POLR1D: variants seen among roughly 807,000 people sequenced by gnomAD.
POLR1D encodes the protein DNA-directed RNA polymerases I and III subunit RPAC2.
Under a neutral mutation model 10.8 loss-of-function variants are expected in POLR1D, and 8 were observed. That is an observed-to-expected ratio of 0.74 (90% CI 0.43 to 1.33). The LOEUF (loss-of-function observed/expected upper bound fraction) is 1.33, where lower values mean the gene tolerates loss of function less well. Among genes scored for constraint, POLR1D ranks in the 40% most tolerant of loss-of-function variants. The pLI, the probability that POLR1D is intolerant of heterozygous loss-of-function variation, is 0.01. For missense variants in POLR1D, 152 were observed against 161.7 expected (o/e 0.94, Z 0.32); for synonymous variants, 54 against 57.2 (o/e 0.94, Z 0.25).
At chr13:27,661,534 G>A (rs1246756708) in intron 2 of POLR1D, among the ~76,000 whole-genome samples, 1 of 142,630 alleles carries the variant, frequency 7.0e-6, no homozygotes, top group Non-Finnish European at 1.6e-5. Context: ...GACAGTGACA[G>A]ACAGTGCAGA....
Position 27,623,172 on chromosome 13 carries a change from A to G in POLR1D, c.324A>G (p.Gln108=), listed in dbSNP as rs771797869. Residue 108 remains glutamine (Q), a synonymous_variant, in exon 2 of 2, where the codon CAA becomes CAG. Transcript: ENST00000302979. The part of the protein sequence containing the change: ...RGLNELMNVC[Q]HVLDKFEASI... ...TGAATGAGCTCATGAATGTCTGCCA[A>G]CATGTGCTTGACAAGTTTGAGGCCA... 6.2e-7 allele frequency: 1 copy of G among 1,614,160 alleles called. No homozygotes were observed. Among genetic ancestry groups the G allele is most frequent in the East Asian group, 2.2e-5 (1 of 44,880 alleles).
At chr13:27,646,667 G>A (rs1956223346) in intron 1 of POLR1D, among the ~76,000 whole-genome samples, 1 of 152,188 alleles carries the variant, frequency 6.6e-6, no homozygotes, top group Non-Finnish European at 1.5e-5. Flanking sequence ...ATTTTAAAAT[G>A]AGTTACACAA....
At position 27,663,654 on chromosome 13, in the gene POLR1D, A is replaced by G. The variant is rs1956386887; in HGVS notation, c.102-2032A>G. On this transcript the variant is annotated intron_variant, in intron 2 of 2. Coordinates refer to the POLR1D transcript ENST00000399697. The surrounding 1 kb of genome is among the most constrained non-coding windows in gnomAD (Gnocchi z 4.1). ...CATTGAAAACAGCAAAATAGAGTGG[A>G]ATTCACCAGTAGTTACCAAAGGTTT... Among the ~76,000 whole-genome samples the G allele has an allele frequency of 6.6e-6, 1 of 152,220 alleles. No individual in the cohort carries two copies. Among genetic ancestry groups the G allele is most frequent in the African/African-American group, 2.4e-5 (1 of 41,448 alleles).
Position 27,622,992 on chromosome 13 carries a change from C to G in POLR1D, c.144C>G (p.Asp48Glu). The change falls in exon 2 of 2, where the codon GAC (aspartate) becomes GAG (glutamate). Residue 48 changes from aspartate (D) to glutamate (E), a missense_variant. By Grantham distance (45) the Asp-to-Glu change is conservative (BLOSUM62 2). Transcript: ENST00000302979. Reference protein sequence around the residue: ...HCVTFVLHEEDHTLGNSLRYM... With the variant: ...HCVTFVLHEEEHTLGNSLRYM... ...TGACATTTGTATTGCACGAGGAAGA[C>G]CATACCCTAGGAAATTCTCTACGTT... 1.2e-6 allele frequency: 2 copies of G among 1,614,074 alleles called. No individual in the cohort carries two copies. The highest frequency in any genetic ancestry group is 1.7e-6 in the Non-Finnish European group (2 of 1,179,962).
downstream of POLR1D, among the ~76,000 whole-genome samples, chr13:27,624,015 G>A (rs967854400): frequency 3.9e-5 from 6 of 152,168 alleles, no homozygotes; most frequent in Admixed American, 6.5e-5. Context: ...TGTAGAAGAA[G>A]CCCTATTTGA....
At chr13:27,655,372 T>C (rs956911182) in intron 2 of POLR1D, among the ~76,000 whole-genome samples, 2 of 152,208 alleles carry the variant, frequency 1.3e-5, no homozygotes, top group Non-Finnish European at 1.5e-5. Context: ...CATAACCACA[T>C]TGTAATTACC....
In POLR1D at chr13:27,631,078, A is replaced by G. The variant is rs539547137; in HGVS notation, c.26+9069A>G. On this transcript the variant is annotated intron_variant, in intron 1 of 2. Coordinates refer to the POLR1D transcript ENST00000399697. ...GAGAGACCATCCTTGACTGGGTATTAGTCCATTGCTGCGTAATAGATTATC... is the reference window on the plus strand; with the variant it reads ...GAGAGACCATCCTTGACTGGGTATTGGTCCATTGCTGCGTAATAGATTATC... Among the ~76,000 whole-genome samples, 4 of 152,328 alleles carry G rather than the reference A, an allele frequency of 2.6e-5. No individual in the cohort carries two copies. In the South Asian group the frequency reaches 8.3e-4, roughly 32 times the overall value.
At chr13:27,629,844 G>A (rs75508576) in intron 1 of POLR1D, among the ~76,000 whole-genome samples, 3,386 of 152,296 alleles carry the variant, frequency 0.022, 84 homozygotes, top group African/African-American at 0.061. Flanking sequence ...TGGACTATTG[G>A]TAGGTAGCCA....
chr13:27,664,706 A>G (rs1278978642), intron 2 of POLR1D: 3 of 152,094 alleles, frequency 2.0e-5, no homozygotes, highest in African/African-American at 7.2e-5. Flanking sequence ...CACAATTCCT[A>G]TGTGGAGTGT....
chr13:27,665,479 C>A, intron 2 of POLR1D: 1 of 596,750 alleles, frequency 1.7e-6, no homozygotes, highest in East Asian at 2.8e-5. Context: ...GTGTTCCAGC[C>A]AGTCTTGTCT....
At chr13:27,634,839 C>T (rs145194051) in intron 1 of POLR1D, among the ~76,000 whole-genome samples, 3,284 of 152,080 alleles carry the variant, frequency 0.022, 124 homozygotes, top group African/African-American at 0.075. Flanking sequence ...CCAAGCCTGG[C>T]TAATTTTTGT....
rs1246599714 is a variant in POLR1D, at chr13:27,642,117, G to GTA, written c.27-6253_27-6252dup. Among the ~76,000 whole-genome samples, 261 of 152,162 alleles carry GTA rather than the reference G, an allele frequency of 1.7e-3. 1 individual carries two copies. The highest frequency in any genetic ancestry group is 5.8e-3 in the African/African-American group (242 of 41,516). ...AATGGAGTTCAGAGGATGTTAACAG[G>GTA]TATATATATACAATGAAGCAAAAGA... On this transcript the variant is annotated intron_variant, in intron 1 of 2. Coordinates refer to the POLR1D transcript ENST00000399697.
exon 3 of POLR1D, chr13:27,666,413 G>C (rs17085868): frequency 0.019 from 2,943 of 154,980 alleles, 89 homozygotes; most frequent in African/African-American, 0.067. Context: ...AGCCCTCCAA[G>C]GTCTGGGAAT....
rs766621186 is a variant in POLR1D, at chr13:27,665,681, C to T, written c.102-5C>T. 3 of 1,613,454 alleles carry T rather than the reference C, an allele frequency of 1.9e-6. No homozygotes were observed. In the South Asian group the frequency reaches 3.3e-5, roughly 18 times the overall value. The stretch of plus-strand genomic sequence containing the variant: ...ATGGTTTTTCTTTTCTCCTCCCCAC[C>T]CCAGGATGAAGTGTCCTCTTGCTAG... On this transcript the variant is annotated splice_region_variant and splice_polypyrimidine_tract_variant and intron_variant, in intron 2 of 2. Transcript: ENST00000399697.
intron 2 of POLR1D, among the ~76,000 whole-genome samples, chr13:27,652,597 G>A (rs1459686524): frequency 1.3e-5 from 2 of 152,120 alleles, no homozygotes; most frequent in Admixed American, 6.5e-5. Flanking sequence ...ATGACTGGGC[G>A]CTGTGGCTCA....
At chr13:27,640,098 G>C (rs532004181) in intron 1 of POLR1D, among the ~76,000 whole-genome samples, 2 of 152,240 alleles carry the variant, frequency 1.3e-5, no homozygotes, top group East Asian at 3.9e-4. Flanking sequence ...GTGAGGATTA[G>C]CTGTAAGGTA....
intron 2 of POLR1D, among the ~76,000 whole-genome samples, chr13:27,653,539 G>T (rs1174619766): frequency 6.6e-6 from 1 of 152,116 alleles, no homozygotes; most frequent in African/African-American, 2.4e-5. Flanking sequence ...TGCTGGGATT[G>T]TTACTTGGTT....
At chr13:27,633,872 CTGT>C (rs1956097577) in intron 1 of POLR1D, among the ~76,000 whole-genome samples, 1 of 152,126 alleles carries the variant, frequency 6.6e-6, no homozygotes, top group Non-Finnish European at 1.5e-5. Flanking sequence ...GTTTGTGTTG[CTGT>C]TGTTGTTTCC....
chr13:27,657,914 G>A (rs957205018), intron 2 of POLR1D, among the ~76,000 whole-genome samples: 1 of 152,142 alleles, frequency 6.6e-6, no homozygotes, highest in Non-Finnish European at 1.5e-5. Context: ...AACAGATATG[G>A]GCTATGAAAG....
Sources: gnomAD v4.1 joint callset for allele counts (sites outside exome capture counted in the v4.1 genomes callset) on GRCh38, gnomAD v4.1.1 for gene constraint, Gnocchi (gnomAD v3.1) non-coding constraint, MANE v1.5 for transcripts, NCBI Gene and HGNC (gene_info 2026-07-23, HGNC 2026-07-21) for gene names.